SLC40A1: variants seen among roughly 807,000 people sequenced by gnomAD.
SLC40A1 encodes ferroportin.
A neutral mutation model predicts 53.5 loss-of-function variants in SLC40A1; 16 were observed. The ratio of observed to expected loss-of-function variants is 0.30; its 90% CI spans 0.20 to 0.45. The LOEUF (loss-of-function observed/expected upper bound fraction) is 0.45. SLC40A1 is among the 20% of genes least tolerant of loss of function. The pLI is 1.00. For synonymous variants in SLC40A1, 247 were observed against 253.2 expected (o/e 0.98, Z 0.23); for missense variants, 545 against 695.4 (o/e 0.78, Z 2.43).
rs186912553 is a variant in SLC40A1, at chr2:189,565,417, G to C, written c.697C>G (p.Leu233Val). Residue 233 changes from leucine (L) to valine (V), a missense_variant, in exon 6 of 8, where the codon CTA (leucine) becomes GTA (valine). Leu to Val is a conservative substitution (Grantham distance 32, BLOSUM62 1). Around this residue, in one of 4 missense-constraint regions of SLC40A1, gnomAD observed 107 missense variants for 91.0 expected, o/e 1.18. Coordinates refer to ENST00000261024, the MANE Select transcript of SLC40A1 (RefSeq NM_014585.6). ...LWKVYQKTPALAVKAGLKEEE... is the reference protein window; with the variant it reads ...LWKVYQKTPAVAVKAGLKEEE... ...TCTTTAAGACCAGCTTTCACAGCTA[G>C]AGCTGGGGTTTTCTGGTAAACCTTC... is the stretch of plus-strand genomic sequence containing the variant. 6.2e-7 allele frequency: 1 copy of C among 1,614,208 alleles called. No homozygotes were observed. Among genetic ancestry groups the C allele is most frequent in the Non-Finnish European group, 8.5e-7 (1 of 1,180,002 alleles).
intron 6 of SLC40A1, among the ~76,000 whole-genome samples, chr2:189,564,853 A>G (rs1208188348): frequency 6.6e-6 from 1 of 152,066 alleles, no homozygotes; most frequent in Non-Finnish European, 1.5e-5. Flanking sequence ...AAAACAAAAA[A>G]CAACCAGCAT....
At position 189,563,878 on chromosome 2, in the gene SLC40A1, C is replaced by A; in HGVS notation, c.1108G>T (p.Val370Phe). The change falls in exon 7 of 8, where the codon GTT becomes TTT. Residue 370 changes from valine (V) to phenylalanine (F), a missense_variant. Coordinates refer to ENST00000261024, the MANE Select transcript of SLC40A1 (RefSeq NM_014585.6). ...FTWLRRKCGL[V>F]RTGLISGLAQ... ...AATCCTGAGATCAGACCTGTCCGAA[C>A]CAAACCACATTTTCGACGTAGCCAA... The A allele has an allele frequency of 6.2e-7, 1 of 1,614,196 alleles. No homozygotes were observed. The highest frequency in any genetic ancestry group is 1.1e-5 in the South Asian group (1 of 91,086).
At chr2:189,575,101 A>C in intron 3 of SLC40A1, 60 bp downstream of exon 3, 2 of 1,572,432 alleles carry the variant, frequency 1.3e-6, no homozygotes, top group Non-Finnish European at 1.8e-6. Context: ...CCTTTGCTAC[A>C]GAGGTAGCTC....
chr2:189,572,507 ATGAC>A (rs2031161924), intron 4 of SLC40A1: 2 of 335,838 alleles, frequency 6.0e-6, no homozygotes, highest in Admixed American at 4.7e-5. Context: ...GAACGCAATT[ATGAC>A]TGACTAATAT....
Position 189,561,637 on chromosome 2 carries a change from T to C in SLC40A1, c.*241A>G, listed in dbSNP as rs1288505703. 4.0e-6 allele frequency: 2 copies of C among 499,352 alleles called. No individual in the cohort carries two copies. Among genetic ancestry groups the C allele is most frequent in the South Asian group, 2.2e-5 (1 of 46,264 alleles). 30.9% of individuals were successfully genotyped at this position (499,352 alleles called of 1,614,324 possible). A position where few individuals can be genotyped will look rare whatever the true frequency, so the allele number is the denominator to read the frequency against. On this transcript the variant is annotated 3_prime_UTR_variant, in exon 8 of 8. Coordinates refer to ENST00000261024, the MANE Select transcript of SLC40A1 (RefSeq NM_014585.6). ...GAAATAGGGGAATTCAGTGTTATCA[T>C]TATAGTCTCCGTATTTAAACTGAGT...
At chr2:189,567,169 G>T (rs780323575) in intron 5 of SLC40A1, among the ~76,000 whole-genome samples, 1 of 152,186 alleles carries the variant, frequency 6.6e-6, no homozygotes, top group Non-Finnish European at 1.5e-5. Flanking sequence ...ATGGTTTGTA[G>T]GTGCCAACCA....
At chr2:189,570,372 C>T (rs2031088716) in intron 5 of SLC40A1, among the ~76,000 whole-genome samples, 1 of 151,876 alleles carries the variant, frequency 6.6e-6, no homozygotes, top group Non-Finnish European at 1.5e-5. Flanking sequence ...CTTTTGTACC[C>T]TTTGAATTTT....
chr2:189,579,831 A>G lies in SLC40A1; in HGVS notation c.93T>C (p.Gly31=). The G allele has an allele frequency of 6.2e-7, 1 of 1,614,130 alleles. No homozygotes were observed. The highest frequency in any genetic ancestry group is 8.5e-7 in the Non-Finnish European group (1 of 1,179,958). The part of the protein sequence containing the change: ...LTSAKFLLYL[G]HSLSTWGDRM... ...CACTTACCCAAGTAGAGAGAGAATG[A>G]CCAAGGTAGAGAAGGAATTTTGCAG... Residue 31 remains glycine (G), a synonymous_variant, in exon 2 of 8, where the codon GGT becomes GGC. Coordinates refer to ENST00000261024, the MANE Select transcript of SLC40A1 (RefSeq NM_014585.6).
chr2:189,563,805 G>A lies in SLC40A1; in HGVS notation c.1181C>T (p.Pro394Leu). The A allele has an allele frequency of 6.2e-7, 1 of 1,614,202 alleles. No individual in the cohort carries two copies. The highest frequency in any genetic ancestry group is 8.5e-7 in the Non-Finnish European group (1 of 1,180,038). Reference sequence around the variant, plus strand: ...AACGGACAAGTCCAGGGGGCTTCCAGGCATGAATACAGAGATCACACACAA... The same window carrying A: ...AACGGACAAGTCCAGGGGGCTTCCAAGCATGAATACAGAGATCACACACAA... ...LILCVISVFM[P>L]GSPLDLSVSP... The change falls in exon 7 of 8, where the codon CCT becomes CTT. Residue 394 changes from proline (P) to leucine (L), a missense_variant. This residue lies in a region of SLC40A1 where 234 missense variants were observed against 299.0 expected (regional missense o/e 0.78). Coordinates refer to ENST00000261024, the MANE Select transcript of SLC40A1 (RefSeq NM_014585.6).
intron 5 of SLC40A1, among the ~76,000 whole-genome samples, chr2:189,568,570 T>C (rs188480466): frequency 2.1e-3 from 322 of 152,364 alleles, no homozygotes; most frequent in African/African-American, 7.3e-3. Flanking sequence ...ATACGCTCTT[T>C]ACCAATTTAT....
chr2:189,578,335 A>G (rs954588634), intron 2 of SLC40A1: 5 of 1,002,482 alleles, frequency 5.0e-6, no homozygotes, highest in Non-Finnish European at 6.0e-6. Context: ...TCTCATGAGA[A>G]CTTCCTTTGC....
Position 189,580,726 on chromosome 2 carries a change from C to T in SLC40A1, c.-266G>A. The T allele has an allele frequency of 7.3e-7, 1 of 1,378,074 alleles. No individual in the cohort carries two copies. 85.4% of individuals were successfully genotyped at this position (1,378,074 alleles called of 1,614,324 possible). Reference sequence around the variant, plus strand: ...CCTTATGGAAGCGGTTTGGGAGGCTCAGCAGGTCGTCCGAGCCTAGCGGAC... The same window carrying T: ...CCTTATGGAAGCGGTTTGGGAGGCTTAGCAGGTCGTCCGAGCCTAGCGGAC... On this transcript the variant is annotated 5_prime_UTR_variant, in exon 1 of 8. Coordinates refer to ENST00000261024, the MANE Select transcript of SLC40A1 (RefSeq NM_014585.6).
intron 1 of SLC40A1, 25 bp downstream of exon 1, chr2:189,580,393 T>A (rs756023133): frequency 6.2e-7 from 1 of 1,613,036 alleles, no homozygotes. Flanking sequence ...GTTTCCACCA[T>A]ATGCTTTCGG....
chr2:189,577,709 G>T (rs1400049573), intron 2 of SLC40A1, among the ~76,000 whole-genome samples: 7 of 151,048 alleles, frequency 4.6e-5, no homozygotes, highest in African/African-American at 1.7e-4. Flanking sequence ...CAAACTCCTG[G>T]GTTCAAGCAA....
intron 5 of SLC40A1, among the ~76,000 whole-genome samples, chr2:189,568,564 G>T (rs897422479): frequency 6.6e-6 from 1 of 151,970 alleles, no homozygotes; most frequent in Admixed American, 6.6e-5. Flanking sequence ...GCAAATATAC[G>T]CTCTTTACCA....
In SLC40A1 at chr2:189,571,709, A is replaced by G. The variant is rs761924502; in HGVS notation, c.514+6T>C. ...CTCATTTCATTAAAAGAGAAAGCCA[A>G]ATTACTTGCTAGTTTGCTTCTGTCT... On this transcript the variant is annotated splice_donor_region_variant and intron_variant, in intron 5 of 7. Transcript: ENST00000261024. The G allele has an allele frequency of 1.9e-6, 3 of 1,612,476 alleles. No individual in the cohort carries two copies. The highest frequency in any genetic ancestry group is 1.3e-5 in the African/African-American group (1 of 74,880).
chr2:189,560,666 G>A lies in SLC40A1; in HGVS notation c.*1212C>T, dbSNP rs967432693. 6.6e-6 allele frequency: 1 copy of A among 152,580 alleles called. No homozygotes were observed. The highest frequency in any genetic ancestry group is 1.5e-5 in the Non-Finnish European group (1 of 68,014). 9.5% of individuals were successfully genotyped at this position (152,580 alleles called of 1,614,324 possible). A position where few individuals can be genotyped will look rare whatever the true frequency, so the allele number is the denominator to read the frequency against. On this transcript the variant is annotated 3_prime_UTR_variant, in exon 8 of 8. Coordinates refer to ENST00000261024, the MANE Select transcript of SLC40A1 (RefSeq NM_014585.6). ...ACATAGCAAATCATTATGTCATACT[G>A]TAGAAAGATGAAGCAAAGGATTAAA...
chr2:189,563,789 G>C lies in SLC40A1; in HGVS notation c.1197C>G (p.Asp399Glu). 1 of 1,614,228 alleles carries C rather than the reference G, an allele frequency of 6.2e-7. No individual in the cohort carries two copies. The highest frequency in any genetic ancestry group is 8.5e-7 in the Non-Finnish European group (1 of 1,180,046). ...TATCTTCAAAAGGAGAAACGGACAA[G>C]TCCAGGGGGCTTCCAGGCATGAATA... is the stretch of plus-strand genomic sequence containing the variant. ...ISVFMPGSPLDLSVSPFEDIR... is the reference protein window; with the variant it reads ...ISVFMPGSPLELSVSPFEDIR... Residue 399 changes from aspartate to glutamate, a missense_variant, in exon 7 of 8, where the codon GAC (aspartate) becomes GAG (glutamate). Transcript: ENST00000261024.
At chr2:189,573,851 C>T (rs2105630272) in intron 3 of SLC40A1, among the ~76,000 whole-genome samples, 1 of 152,314 alleles carries the variant, frequency 6.6e-6, no homozygotes, top group South Asian at 2.1e-4. Flanking sequence ...AAGCTGCTTA[C>T]TGAAAGCAGT....
Sources: allele counts gnomAD v4.1 joint callset (sites outside exome capture counted in the v4.1 genomes callset), GRCh38; gene constraint gnomAD v4.1.1; regional missense constraint gnomAD v4.1.1; transcripts MANE v1.5; gene names NCBI Gene and HGNC (gene_info 2026-07-23, HGNC 2026-07-21).